ABCG2: variants seen among roughly 807,000 people sequenced by gnomAD.
ABCG2 encodes broad substrate specificity ATP-binding cassette transporter ABCG2.
Under a neutral mutation model 73.5 loss-of-function variants are expected in ABCG2, and 80 were observed. The ratio of observed to expected loss-of-function variants is 1.09; its 90% CI spans 0.91 to 1.31. The LOEUF is 1.31. Ranked by LOEUF, ABCG2 falls within the 50% of genes most tolerant of loss-of-function variation. The pLI, the probability that ABCG2 is intolerant of heterozygous loss-of-function variation, is 0.00. For synonymous variants in ABCG2, 269 were observed against 282.4 expected, an observed-to-expected ratio of 0.95 and a Z score of 0.48; for missense variants, 796 against 786.2, an observed-to-expected ratio of 1.01 and a Z score of -0.15.
intron 1 of ABCG2, among the ~76,000 whole-genome samples, chr4:88,176,034 A>T (rs1727952907): frequency 2.0e-5 from 3 of 152,196 alleles, no homozygotes; most frequent in Admixed American, 2.0e-4. Context: ...AAAATTCCTC[A>T]CAGAGTTCTC....
intron 1 of ABCG2, among the ~76,000 whole-genome samples, chr4:88,222,828 G>A (rs1250702139): frequency 6.6e-6 from 1 of 152,160 alleles, no homozygotes. Flanking sequence ...AAAAGCTGCA[G>A]ACACTCAACA....
rs764126329 is a variant in ABCG2, at chr4:88,097,588, A to T, written c.1512T>A (p.Asp504Glu). The change falls in exon 13 of 16, where the codon GAT becomes GAA. Residue 504 changes from aspartate to glutamate, a missense_variant. Physicochemically the swap from Asp to Glu is conservative, Grantham distance 45. Coordinates refer to ENST00000237612, the MANE Select transcript of ABCG2 (RefSeq NM_004827.3). ...YFMLGLKPKA[D>E]AFFVMMFTLM... ...GGGTAAACATCATAACGAAGAAGGC[A>T]TCTGCCTTTGGCTTCAATCCTTAGT... is the stretch of plus-strand genomic sequence containing the variant. 6.2e-7 allele frequency: 1 copy of T among 1,614,004 alleles called. No homozygotes were observed. The highest frequency in any genetic ancestry group is 1.1e-5 in the South Asian group (1 of 91,052).
At chr4:88,152,177 C>T (rs893640418) in intron 1 of ABCG2, among the ~76,000 whole-genome samples, 1 of 152,134 alleles carries the variant, frequency 6.6e-6, no homozygotes, top group Non-Finnish European at 1.5e-5. Context: ...TTTGGAAGCA[C>T]TGGCAGGGTT....
At chr4:88,184,965 A>G (rs1057459914) in intron 1 of ABCG2, among the ~76,000 whole-genome samples, 4 of 152,228 alleles carry the variant, frequency 2.6e-5, no homozygotes, top group African/African-American at 9.6e-5. Context: ...CTCTTCAATA[A>G]ATGATGCTGG....
chr4:88,197,241 G>C (rs1728975161), intron 1 of ABCG2, among the ~76,000 whole-genome samples: 1 of 150,244 alleles, frequency 6.7e-6, no homozygotes. Context: ...AAAATAGTTT[G>C]ACCAGAAAAA....
intron 1 of ABCG2, among the ~76,000 whole-genome samples, chr4:88,177,942 C>T (rs938580672): frequency 6.6e-6 from 1 of 152,142 alleles, no homozygotes; most frequent in African/African-American, 2.4e-5. Context: ...AGCCTTATCA[C>T]CGTGAACTAA....
At position 88,131,114 on chromosome 4, in the gene ABCG2, G is replaced by A. The variant is rs200727306; in HGVS notation, c.478C>T (p.Arg160Trp). Reference protein sequence around the residue: ...TTMTNHEKNERINRVIQELGL... With the variant: ...TTMTNHEKNEWINRVIQELGL... ...AACTCTTGAATGACCCTGTTAATCC[G>A]TTCGTTTTTTTCATGATTCGTCATA... The change falls in exon 5 of 16, where the codon CGG becomes TGG. Residue 160 changes from arginine to tryptophan, a missense_variant. Physicochemically the swap from Arg to Trp is moderately radical, Grantham distance 101. Transcript: ENST00000237612. The A allele has an allele frequency of 1.0e-4, 168 of 1,613,984 alleles. No homozygotes were observed. Among genetic ancestry groups the A allele is most frequent in the Admixed American group, 3.3e-4 (20 of 59,984 alleles).
chr4:88,228,828 C>T (rs1254010261), intron 1 of ABCG2, among the ~76,000 whole-genome samples: 4 of 152,006 alleles, frequency 2.6e-5, no homozygotes, highest in African/African-American at 9.7e-5. Flanking sequence ...ATTGTAAACG[C>T]ACCAATCAGC....
chr4:88,206,036 C>G (rs1387245473), intron 1 of ABCG2, among the ~76,000 whole-genome samples: 1 of 152,244 alleles, frequency 6.6e-6, no homozygotes, highest in Non-Finnish European at 1.5e-5. Context: ...GCCGACAATA[C>G]TTCGTTCTCT....
intron 1 of ABCG2, among the ~76,000 whole-genome samples, chr4:88,172,396 G>A (rs1727790323): frequency 6.6e-6 from 1 of 151,694 alleles, no homozygotes; most frequent in African/African-American, 2.4e-5. Context: ...TGGCCAACCT[G>A]GTGAAACCCC....
At chr4:88,093,503 C>T (rs1208763161) in intron 15 of ABCG2, among the ~76,000 whole-genome samples, 4 of 105,002 alleles carry the variant, frequency 3.8e-5, no homozygotes, top group South Asian at 3.4e-4. Flanking sequence ...GACTCCATTT[C>T]AAAAAAAAAA....
intron 1 of ABCG2, among the ~76,000 whole-genome samples, chr4:88,216,730 G>C (rs1729827659): frequency 6.6e-6 from 1 of 152,134 alleles, no homozygotes; most frequent in East Asian, 1.9e-4. Flanking sequence ...ACATATTCTG[G>C]ATAAAATTTT....
intron 5 of ABCG2, among the ~76,000 whole-genome samples, chr4:88,130,427 C>T (rs1427952633): frequency 6.6e-6 from 1 of 151,794 alleles, no homozygotes; most frequent in African/African-American, 2.4e-5. Context: ...AGGGCTCCCA[C>T]TGATTCTATA....
At chr4:88,115,914 G>C (rs375652450) in intron 7 of ABCG2, among the ~76,000 whole-genome samples, 2 of 152,154 alleles carry the variant, frequency 1.3e-5, no homozygotes, top group Non-Finnish European at 2.9e-5. Context: ...GAGGTCCAGC[G>C]CTGGGTGCAA....
At chr4:88,141,587 T>C (rs1725645193) in intron 1 of ABCG2, among the ~76,000 whole-genome samples, 2 of 152,176 alleles carry the variant, frequency 1.3e-5, no homozygotes, top group Non-Finnish European at 2.9e-5. Context: ...TACTCAATCA[T>C]GGCGATCTGC....
chr4:88,148,176 T>C (rs112250482), intron 1 of ABCG2, among the ~76,000 whole-genome samples: 2,098 of 152,212 alleles, frequency 0.014, 22 homozygotes, highest in Middle Eastern at 0.051. Flanking sequence ...AACCCATGTA[T>C]ACAGAGGGCT....
At chr4:88,168,560 G>GAA (rs377316378) in intron 1 of ABCG2, among the ~76,000 whole-genome samples, 6 of 140,850 alleles carry the variant, frequency 4.3e-5, no homozygotes, top group Non-Finnish European at 6.2e-5. Context: ...AGACTGCAGT[G>GAA]AAAAAAAAAA....
At chr4:88,183,784 CTTGATGAATA>C (rs1490891075) in intron 1 of ABCG2, among the ~76,000 whole-genome samples, 1 of 151,952 alleles carries the variant, frequency 6.6e-6, no homozygotes, top group Non-Finnish European at 1.5e-5. Context: ...AGCCAATATC[CTTGATGAATA>C]TTGATGAAAA....
At chr4:88,100,346 C>G (rs879891008) in intron 11 of ABCG2, among the ~76,000 whole-genome samples, 1 of 151,324 alleles carries the variant, frequency 6.6e-6, no homozygotes, top group Non-Finnish European at 1.5e-5. Flanking sequence ...CTAAAAATAC[C>G]AAAAAAATTA....
Sources: allele counts gnomAD v4.1 joint callset (sites outside exome capture counted in the v4.1 genomes callset), GRCh38; gene constraint gnomAD v4.1.1; transcripts MANE v1.5; gene names NCBI Gene and HGNC (gene_info 2026-07-23, HGNC 2026-07-21).